UPRT: variants seen among roughly 807,000 people sequenced by gnomAD.
UPRT encodes RP11-311P8.3.
A neutral mutation model predicts 22.6 loss-of-function variants in UPRT; 5 were observed. The ratio of observed to expected loss-of-function variants is 0.22; its 90% CI spans 0.12 to 0.47. The LOEUF (loss-of-function observed/expected upper bound fraction) is 0.47. UPRT is among the 20% of genes least tolerant of loss of function. The probability of loss-of-function intolerance (pLI) is 0.99; values close to 1 mark genes in which losing one functional copy is unlikely to be tolerated. For synonymous variants in UPRT, 77 were observed against 87.7 expected (o/e 0.88, Z 0.68); for missense variants, 181 against 239.9 (o/e 0.75, Z 1.62).
At chrX:75,169,281 C>T (rs2082220546) in intron 4 of UPRT, among the ~76,000 whole-genome samples, 1 of 111,952 alleles carries the variant, frequency 8.9e-6, no homozygotes. Flanking sequence ...TTCTTTTCCT[C>T]TGGGTAGATA....
chrX:75,258,132 C>A (rs765138985), intron 4 of UPRT, among the ~76,000 whole-genome samples: 4 of 110,428 alleles, frequency 3.6e-5, no homozygotes, highest in Non-Finnish European at 5.7e-5. Context: ...GCCACCAGGG[C>A]CCTGGGTTTC....
upstream of UPRT, among the ~76,000 whole-genome samples, chrX:75,272,330 G>GTATA (rs752739346): frequency 2.2e-5 from 1 of 45,457 alleles, no homozygotes; most frequent in Non-Finnish European, 4.5e-5. Flanking sequence ...ACATATATAT[G>GTATA]TATATATATA....
intron 4 of UPRT, among the ~76,000 whole-genome samples, chrX:75,232,153 C>T (rs988462328): frequency 8.9e-6 from 1 of 112,159 alleles, no homozygotes; most frequent in East Asian, 2.8e-4. Flanking sequence ...GGGAGTTCCC[C>T]TTCCTAGTCA....
chrX:75,293,358 G>A, intron 1 of UPRT, 114 bp from the exon 2 acceptor site: 1 of 659,473 alleles, frequency 1.5e-6, no homozygotes, highest in South Asian at 4.0e-5. Flanking sequence ...GTACATGTAA[G>A]CATTTAAGCT....
intron 4 of UPRT, among the ~76,000 whole-genome samples, chrX:75,232,210 C>A (rs1170750558): frequency 8.9e-6 from 1 of 112,286 alleles, no homozygotes; most frequent in Non-Finnish European, 1.9e-5. Flanking sequence ...TCACTCCCAC[C>A]CGAATACTGC....
At chrX:75,289,533 G>C (rs2082697356) in intron 1 of UPRT, among the ~76,000 whole-genome samples, 1 of 111,093 alleles carries the variant, frequency 9.0e-6, no homozygotes, top group Non-Finnish European at 1.9e-5. Context: ...CAAAGCTGGA[G>C]GCATCACATT....
At chrX:75,204,551 G>A (rs2082357954) in intron 4 of UPRT, among the ~76,000 whole-genome samples, 1 of 112,318 alleles carries the variant, frequency 8.9e-6, no homozygotes, top group Non-Finnish European at 1.9e-5. Flanking sequence ...TTTCTAGGTT[G>A]AATAGCTGTT....
chrX:75,265,546 C>T (rs936667275), intron 4 of UPRT, among the ~76,000 whole-genome samples: 11 of 111,987 alleles, frequency 9.8e-5, no homozygotes, highest in African/African-American at 3.6e-4. Flanking sequence ...CCTTTAAGGA[C>T]TTCTCTGCAT....
chrX:75,269,431 G>T (rs1203296341), upstream of UPRT, among the ~76,000 whole-genome samples: 2 of 111,417 alleles, frequency 1.8e-5, no homozygotes, highest in African/African-American at 6.5e-5. Context: ...AACCAAAAAA[G>T]AGCCCACATT....
At chrX:75,180,681 G>GTTTTTTTTTTTTTTTTTTTTT (rs59522302) in intron 4 of UPRT, among the ~76,000 whole-genome samples, 5 of 43,891 alleles carry the variant, frequency 1.1e-4, no homozygotes, top group African/African-American at 4.6e-4. Flanking sequence ...CCTTTTCTCT[G>GTTTTTTTTTTTTTTTTTTTTT]TTTTTTTTTT....
chrX:75,217,981 G>T (rs1430346283), intron 4 of UPRT, among the ~76,000 whole-genome samples: 8 of 111,447 alleles, frequency 7.2e-5, no homozygotes, highest in African/African-American at 2.6e-4. Context: ...GCATGGGCAA[G>T]GACTTCATGT....
At chrX:75,168,238 G>T (rs1044584151) in intron 4 of UPRT, among the ~76,000 whole-genome samples, 8 of 111,634 alleles carry the variant, frequency 7.2e-5, no homozygotes, top group East Asian at 2.8e-4. Context: ...CCACTTATTT[G>T]TACATATTTG....
At position 75,221,500 on chromosome X, in the gene UPRT, T is replaced by C. The variant is rs938303333; in HGVS notation, c.-447+53621T>C. On this transcript the variant is annotated intron_variant, in intron 4 of 13. Coordinates refer to the UPRT transcript ENST00000652605. ...TATTTTCTAGATCTCATAGGGATGC[T>C]TCATTGTTTTATATTCTTTTTTCTT... Among the ~76,000 whole-genome samples, 53 of 111,318 alleles carry C rather than the reference T, an allele frequency of 4.8e-4. 2 individuals carry two copies. Among genetic ancestry groups the C allele is most frequent in the Non-Finnish European group, 1.7e-4 (9 of 53,018 alleles).
chrX:75,186,660 T>C (rs957943326), intron 4 of UPRT, among the ~76,000 whole-genome samples: 1 of 111,794 alleles, frequency 8.9e-6, no homozygotes, highest in African/African-American at 3.3e-5. Context: ...GGAGTCTAAG[T>C]CACTTTGTAG....
At chrX:75,293,917 G>A (rs993277134) in intron 2 of UPRT, among the ~76,000 whole-genome samples, 4 of 111,188 alleles carry the variant, frequency 3.6e-5, no homozygotes, top group Non-Finnish European at 5.7e-5. Flanking sequence ...AGTTTACGGC[G>A]GCAGCAGGGG....
intron 4 of UPRT, among the ~76,000 whole-genome samples, chrX:75,230,671 T>A (rs2082435531): frequency 9.0e-6 from 1 of 111,711 alleles, no homozygotes; most frequent in Non-Finnish European, 1.9e-5. Context: ...TAAACAAAAC[T>A]ACAACCAGGG....
At chrX:75,186,370 C>T (rs1325403189) in intron 4 of UPRT, among the ~76,000 whole-genome samples, 1 of 111,715 alleles carries the variant, frequency 9.0e-6, no homozygotes, top group Admixed American at 9.5e-5. Context: ...AGTTTGATTG[C>T]ACTGTGGTCT....
intron 1 of UPRT, among the ~76,000 whole-genome samples, chrX:75,279,486 A>T (rs1320153974): frequency 1.8e-5 from 2 of 111,571 alleles, no homozygotes; most frequent in African/African-American, 6.5e-5. Context: ...GACTCCAAGG[A>T]GGCAGAAAGG....
At chrX:75,236,169 G>T (rs1042717306) in intron 4 of UPRT, among the ~76,000 whole-genome samples, 2 of 111,235 alleles carry the variant, frequency 1.8e-5, no homozygotes, top group Admixed American at 1.9e-4. Context: ...GAAACAGAGA[G>T]CCAAATCATG....
Sources: allele counts gnomAD v4.1 joint callset (sites outside exome capture counted in the v4.1 genomes callset), GRCh38; gene constraint gnomAD v4.1.1; transcripts MANE v1.5; gene names NCBI Gene and HGNC (gene_info 2026-07-23, HGNC 2026-07-21).